Variants in TRIOBP observed in about 807,000 individuals in gnomAD.
TRIOBP encodes the protein TRIO and F-actin-binding protein.
TRIOBP carries 169 observed loss-of-function variants against 238.8 expected under a neutral mutation model. The observed-to-expected ratio is 0.71, with a 90% confidence interval of 0.62 to 0.80. The LOEUF (loss-of-function observed/expected upper bound fraction) is 0.80. Among genes scored for constraint, TRIOBP ranks in the 30% least tolerant of loss-of-function variants. TRIOBP has a pLI of 0.00. For missense variants in TRIOBP, 2,838 were observed against 3,122.6 expected, an observed-to-expected ratio of 0.91 and a Z score of 2.17; for synonymous variants, 1,150 against 1,274.4, an observed-to-expected ratio of 0.90 and a Z score of 2.08.
chr22:37,756,630 C>T lies in TRIOBP; in HGVS notation c.5687+971C>T, dbSNP rs532372343. On this transcript the variant is annotated intron_variant, in intron 15 of 23. Transcript: ENST00000644935. ...TAGATGTTCATGTCTCCCTTCAGAACAGCCCCGAGGTATGCAGTCCTGGCC... is the reference window on the plus strand; with the variant it reads ...TAGATGTTCATGTCTCCCTTCAGAATAGCCCCGAGGTATGCAGTCCTGGCC... Among the ~76,000 whole-genome samples the T allele has an allele frequency of 2.0e-5, 3 of 152,348 alleles. No individual in the cohort carries two copies. In the South Asian group the frequency reaches 6.2e-4, roughly 32 times the overall value.
At chr22:37,755,507 G>T (rs759051011) in intron 14 of TRIOBP, 43 bp from the exon 15 acceptor site, 2 of 1,559,336 alleles carry the variant, frequency 1.3e-6, no homozygotes, top group South Asian at 1.1e-5. Context: ...AGGGAGTCAT[G>T]CGGCTGGCCA....
At chr22:37,761,120 T>C (rs900053903) in intron 17 of TRIOBP, among the ~76,000 whole-genome samples, 3 of 152,074 alleles carry the variant, frequency 2.0e-5, no homozygotes, top group Admixed American at 6.6e-5. Flanking sequence ...GGCTGGTTGG[T>C]GCGTATTGTG....
chr22:37,717,210 C>G (rs1004479947), intron 6 of TRIOBP, among the ~76,000 whole-genome samples: 22 of 152,142 alleles, frequency 1.4e-4, no homozygotes, highest in Non-Finnish European at 2.9e-5. Context: ...GTTCTTTCCT[C>G]CCTGTGGGTT....
At chr22:37,766,253 C>T (rs1926489707) in intron 18 of TRIOBP, among the ~76,000 whole-genome samples, 1 of 152,254 alleles carries the variant, frequency 6.6e-6, no homozygotes, top group Admixed American at 6.5e-5. Context: ...GTGTGCCAGG[C>T]ACTGGGCCCC....
At position 37,726,473 on chromosome 22, in the gene TRIOBP, A is replaced by T; in HGVS notation, c.3917A>T (p.Glu1306Val). ...GGRTHSPGRA[E>V]VERLFGQERR... ...CGCACCCACAGCCCTGGCCGTGCAG[A>T]GGTGGAGCGCCTCTTCGGGCAAGAG... The change falls in exon 7 of 24, where the codon GAG becomes GTG. Residue 1306 changes from glutamate to valine, a missense_variant. Around this residue, in one of 5 missense-constraint regions of TRIOBP, gnomAD observed 2,096 missense variants for 2,137.4 expected, o/e 0.98. Coordinates refer to ENST00000644935, the MANE Select transcript of TRIOBP (RefSeq NM_001039141.3). The T allele has an allele frequency of 6.5e-7, 1 of 1,544,960 alleles. No homozygotes were observed. The highest frequency in any genetic ancestry group is 8.7e-7 in the Non-Finnish European group (1 of 1,151,098).
intron 3 of TRIOBP, among the ~76,000 whole-genome samples, chr22:37,702,494 G>C (rs747883449): frequency 6.6e-6 from 1 of 152,062 alleles, no homozygotes; most frequent in Non-Finnish European, 1.5e-5. Context: ...GTGAGCCACC[G>C]CGCCTGGCCT....
In TRIOBP at chr22:37,755,541, G is replaced by C. The variant is rs772024390; in HGVS notation, c.5578-9G>C. ...CATGTGGCAACCTACCCATGCGGTGGCCTTGCAGACCAAGGATGCTGTCTA... is the reference window on the plus strand; with the variant it reads ...CATGTGGCAACCTACCCATGCGGTGCCCTTGCAGACCAAGGATGCTGTCTA... On this transcript the variant is annotated splice_polypyrimidine_tract_variant and intron_variant, in intron 14 of 23. Coordinates refer to ENST00000644935, the MANE Select transcript of TRIOBP (RefSeq NM_001039141.3). 2.5e-6 allele frequency: 4 copies of C among 1,612,326 alleles called. No homozygotes were observed. In the Admixed American group the frequency reaches 6.7e-5, roughly 27 times the overall value.
In TRIOBP at chr22:37,771,749, G is replaced by A. The variant is rs727503529; in HGVS notation, c.6936+13G>A. On this transcript the variant is annotated intron_variant, in intron 22 of 23. Coordinates refer to ENST00000644935, the MANE Select transcript of TRIOBP (RefSeq NM_001039141.3). ...GATGATGCAGAAGGTAGGTCCTTCC[G>A]CTGGGCTGGGGGCCGTCGGGGACTC... The A allele has an allele frequency of 8.7e-6, 14 of 1,613,618 alleles. No homozygotes were observed. Among genetic ancestry groups the A allele is most frequent in the African/African-American group, 2.7e-5 (2 of 74,918 alleles).
chr22:37,751,765 C>T lies in TRIOBP; in HGVS notation c.5323-7C>T. 6.2e-7 allele frequency: 1 copy of T among 1,614,164 alleles called. No individual in the cohort carries two copies. The highest frequency in any genetic ancestry group is 8.5e-7 in the Non-Finnish European group (1 of 1,180,006). On this transcript the variant is annotated splice_region_variant and splice_polypyrimidine_tract_variant and intron_variant, in intron 11 of 23. Transcript: ENST00000644935. Reference sequence around the variant, plus strand: ...CCCAACTCACCTCCCTCCTCATCTCCCCACAGCCCGATCTGCTCAACTTCA... The same window carrying T: ...CCCAACTCACCTCCCTCCTCATCTCTCCACAGCCCGATCTGCTCAACTTCA...
chr22:37,702,634 CTTTT>C (rs34625454), intron 3 of TRIOBP, among the ~76,000 whole-genome samples: 1 of 81,202 alleles, frequency 1.2e-5, no homozygotes, highest in African/African-American at 5.0e-5. Flanking sequence ...TTCTCTCTCT[CTTTT>C]TTTTTTTTTT....
chr22:37,728,291 G>A (rs1430365430), intron 7 of TRIOBP, among the ~76,000 whole-genome samples: 1 of 149,698 alleles, frequency 6.7e-6, no homozygotes, highest in Admixed American at 6.7e-5. Flanking sequence ...AAAATTAGCC[G>A]GGCATAGTGG....
chr22:37,766,786 C>T (rs1020727349), intron 18 of TRIOBP, among the ~76,000 whole-genome samples: 2 of 151,688 alleles, frequency 1.3e-5, no homozygotes, highest in African/African-American at 4.9e-5. Flanking sequence ...CATGGTGAAA[C>T]CCCATCTCTA....
Position 37,725,764 on chromosome 22 carries a change from GC to G in TRIOBP, c.3214del (p.Arg1072GlyfsTer141). On this transcript the variant is annotated frameshift_variant, in exon 7 of 24. Coordinates refer to ENST00000644935, the MANE Select transcript of TRIOBP (RefSeq NM_001039141.3). LOFTEE classifies it high-confidence loss of function. ...TGCTGTGTGCATTGGACACCGAGATGCCCCCCGGGCGTCCTCGCCCCCCCGC... is the reference window on the plus strand; with the variant it reads ...TGCTGTGTGCATTGGACACCGAGATGCCCCCGGGCGTCCTCGCCCCCCCGC... ...PPAVCIGHRD[A>X]PRASSPPRHT... The G allele has an allele frequency of 6.2e-7, 1 of 1,609,552 alleles. No homozygotes were observed. The highest frequency in any genetic ancestry group is 1.3e-5 in the African/African-American group (1 of 74,204).
chr22:37,712,003 G>A (rs1923274446), intron 4 of TRIOBP, among the ~76,000 whole-genome samples: 1 of 152,110 alleles, frequency 6.6e-6, no homozygotes, highest in South Asian at 2.1e-4. Context: ...CGTTAGCCAA[G>A]CATGAGTCTG....
chr22:37,736,077 C>T (rs1924654480), intron 9 of TRIOBP, among the ~76,000 whole-genome samples: 1 of 152,224 alleles, frequency 6.6e-6, no homozygotes, highest in African/African-American at 2.4e-5. Flanking sequence ...AGACAGGCTG[C>T]TTAAATGAGG....
intron 6 of TRIOBP, among the ~76,000 whole-genome samples, chr22:37,720,738 C>T (rs1182499364): frequency 2.0e-5 from 3 of 152,142 alleles, no homozygotes; most frequent in Admixed American, 6.5e-5. Flanking sequence ...GTCTCCAACT[C>T]CTGGGCTCAA....
At chr22:37,698,364 T>TC (rs1306198025) in intron 2 of TRIOBP, among the ~76,000 whole-genome samples, 2 of 132,892 alleles carry the variant, frequency 1.5e-5, no homozygotes, top group African/African-American at 5.6e-5. Flanking sequence ...CTTTTTTTTT[T>TC]TTTTTTTTTT....
At chr22:37,736,575 C>T (rs1177420376) in intron 9 of TRIOBP, among the ~76,000 whole-genome samples, 1 of 152,100 alleles carries the variant, frequency 6.6e-6, no homozygotes, top group Non-Finnish European at 1.5e-5. Context: ...ATGCATAGGT[C>T]GTGAGAAATG....
chr22:37,763,031 G>C (rs2145875831), intron 17 of TRIOBP, among the ~76,000 whole-genome samples: 1 of 152,274 alleles, frequency 6.6e-6, no homozygotes, highest in South Asian at 2.1e-4. Context: ...CAGGAAGGTA[G>C]GTGAGAGAGG....
Sources: gnomAD v4.1 joint callset for allele counts (sites outside exome capture counted in the v4.1 genomes callset) on GRCh38, gnomAD v4.1.1 for gene constraint, gnomAD v4.1.1 regional missense constraint, MANE v1.5 for transcripts, NCBI Gene and HGNC (gene_info 2026-07-23, HGNC 2026-07-21) for gene names.